The following PHYHD1 variants were observed in gnomAD, a reference collection of about 807,000 sequenced individuals.
PHYHD1 encodes phytanoyl-CoA dioxygenase domain-containing protein 1.
Under a neutral mutation model 43.6 loss-of-function variants are expected in PHYHD1, and 42 were observed. That is an observed-to-expected ratio of 0.96 (90% CI 0.75 to 1.25). The LOEUF is 1.25. PHYHD1 is among the 50% of genes most tolerant of loss of function. PHYHD1 has a pLI of 0.00. For missense variants in PHYHD1, 342 were observed against 370.8 expected, an observed-to-expected ratio of 0.92 and a Z score of 0.64; for synonymous variants, 139 against 143.6, an observed-to-expected ratio of 0.97 and a Z score of 0.23.
At chr9:128,936,362 G>A in intron 6 of PHYHD1, 86 bp from the exon 7 acceptor site, 3 of 1,522,484 alleles carry the variant, frequency 2.0e-6, no homozygotes, top group Non-Finnish European at 2.7e-6. Flanking sequence ...GAATGTCAAA[G>A]TAAGCCTGAG....
rs550251853 is a variant in PHYHD1 at position 128,936,502 on chromosome 9, A to G, written c.371A>G (p.Gln124Arg). The G allele has an allele frequency of 1.0e-4, 161 of 1,613,704 alleles. No homozygotes were observed. The South Asian group carries it at 1.6e-3, about 17-fold the overall frequency. ...AGCATCACACACTCCTTCAAGGTGC[A>G]GGTGAGCAGAGGTGGGGGTGAGGGC... ...FKSITHSFKV[Q>R]TLARSLGLQM... The change falls in exon 7 of 13, where the codon CAG becomes CGG. Residue 124 changes from glutamine (Q) to arginine (R), a missense_variant and splice_region_variant. Gln to Arg is a conservative substitution (Grantham distance 43). Transcript: ENST00000372592.
At chr9:128,936,367 C>T in intron 6 of PHYHD1, 81 bp from the exon 7 acceptor site, 1 of 1,532,826 alleles carries the variant, frequency 6.5e-7, no homozygotes, top group Non-Finnish European at 8.9e-7. Flanking sequence ...TCAAAGTAAG[C>T]CTGAGTGTGG....
At chr9:128,928,618 G>A (rs1467954739) in intron 4 of PHYHD1, among the ~76,000 whole-genome samples, 5 of 151,910 alleles carry the variant, frequency 3.3e-5, no homozygotes, top group African/African-American at 1.2e-4. Context: ...CAGGAGAATC[G>A]CTTGAACCCA....
chr9:128,931,532 CTTTTTT>C (rs901591797), intron 4 of PHYHD1, among the ~76,000 whole-genome samples: 13 of 148,034 alleles, frequency 8.8e-5, no homozygotes, highest in African/African-American at 3.2e-4. Context: ...TTTTCTTTTT[CTTTTTT>C]TTTTGAGACG....
intron 3 of PHYHD1, among the ~76,000 whole-genome samples, chr9:128,923,062 A>G (rs1026490623): frequency 6.7e-6 from 1 of 148,514 alleles, no homozygotes; most frequent in African/African-American, 2.5e-5. Context: ...CTCCTACCTT[A>G]GCCTCCCGAA....
intron 11 of PHYHD1, 31 bp downstream of exon 11, chr9:128,940,746 G>T: frequency 6.2e-7 from 1 of 1,605,444 alleles, no homozygotes; most frequent in South Asian, 1.1e-5. Context: ...GAGAGGCAGG[G>T]GGCTGAGTCC....
At position 128,941,965 on chromosome 9, in the gene PHYHD1, A is replaced by T. The variant is rs774165459; in HGVS notation, c.*252A>T. ...CACCAAAGGGTTCTGGCCCCTTCTC[A>T]CTCTCCTCTCCTCTCAGATGGAACT... On this transcript the variant is annotated 3_prime_UTR_variant, in exon 13 of 13. Transcript: ENST00000372592. The T allele has an allele frequency of 2.0e-5, 11 of 559,712 alleles. No individual in the cohort carries two copies. Among genetic ancestry groups the T allele is most frequent in the Non-Finnish European group, 3.2e-5 (10 of 314,412 alleles). The allele number at this position is 559,712 out of a possible 1,614,324, so 34.7% of individuals were successfully genotyped here. A position where few individuals can be genotyped will look rare whatever the true frequency, so the allele number is the denominator to read the frequency against.
At chr9:128,930,848 C>T (rs1405254309) in intron 4 of PHYHD1, among the ~76,000 whole-genome samples, 1 of 149,858 alleles carries the variant, frequency 6.7e-6, no homozygotes, top group Admixed American at 6.7e-5. Flanking sequence ...ACTCGGGAGG[C>T]TGAGGCAGAA....
rs1841571952 is a variant in PHYHD1 at position 128,941,829 on chromosome 9, C to A, written c.*116C>A. On this transcript the variant is annotated 3_prime_UTR_variant, in exon 13 of 13. Transcript: ENST00000372592. Reference sequence around the variant, plus strand: ...GGGAGGTCTTGTCTCCCCTCCTGGGCTTTCCTCCTGCCCTGTGGGCAGCAG... The same window carrying A: ...GGGAGGTCTTGTCTCCCCTCCTGGGATTTCCTCCTGCCCTGTGGGCAGCAG... The A allele has an allele frequency of 7.0e-7, 1 of 1,430,050 alleles. No homozygotes were observed. The highest frequency in any genetic ancestry group is 9.7e-7 in the Non-Finnish European group (1 of 1,029,262). 88.6% of individuals were successfully genotyped at this position (1,430,050 alleles called of 1,614,324 possible). A position where few individuals can be genotyped will look rare whatever the true frequency, so the allele number is the denominator to read the frequency against.
intron 4 of PHYHD1, among the ~76,000 whole-genome samples, chr9:128,928,999 T>G (rs1841206388): frequency 6.6e-6 from 1 of 152,156 alleles, no homozygotes; most frequent in South Asian, 2.1e-4. Flanking sequence ...TACCATGAAC[T>G]GGGTCCTGGG....
intron 4 of PHYHD1, among the ~76,000 whole-genome samples, chr9:128,931,413 G>A (rs1354201016): frequency 6.6e-6 from 1 of 152,012 alleles, no homozygotes; most frequent in East Asian, 1.9e-4. Context: ...ACCCATCCTA[G>A]AGCCAGGATT....
At chr9:128,940,559 G>A in intron 10 of PHYHD1, 40 bp from the exon 11 acceptor site, 1 of 1,613,908 alleles carries the variant, frequency 6.2e-7, no homozygotes, top group Non-Finnish European at 8.5e-7. Context: ...GAGGGACCTT[G>A]AGAAAGGAGG....
rs1461542140 is a variant in PHYHD1 at position 128,941,692 on chromosome 9, C to T, written c.855C>T (p.Pro285=). The T allele has an allele frequency of 1.2e-6, 2 of 1,614,210 alleles. No homozygotes were observed. The highest frequency in any genetic ancestry group is 2.7e-5 in the African/African-American group (2 of 75,060). Residue 285 remains proline, a synonymous_variant, in exon 13 of 13, where the codon CCC becomes CCT. Transcript: ENST00000372592. ...ENWLQPTAEL[P]FPQLYT ...GGCTCCAGCCAACAGCTGAACTGCC[C>T]TTTCCCCAACTGTACACCTAAAGGC...
chr9:128,940,311 A>G, intron 9 of PHYHD1, 58 bp from the exon 10 acceptor site: 1 of 1,604,748 alleles, frequency 6.2e-7, no homozygotes, highest in Admixed American at 1.7e-5. Flanking sequence ...TAATGAGGCC[A>G]AGGTGAGGTG....
At chr9:128,939,590 A>T (rs148419003) in intron 9 of PHYHD1, among the ~76,000 whole-genome samples, 3,892 of 120,182 alleles carry the variant, frequency 0.032, 423 homozygotes, top group African/African-American at 0.069. Flanking sequence ...AAAAAAAAAA[A>T]AATAATAATA....
At position 128,921,328 on chromosome 9, in the gene PHYHD1, T is replaced by A. The variant is rs1437466645; in HGVS notation, c.-500T>A. On this transcript the variant is annotated 5_prime_UTR_variant, in exon 1 of 13. Coordinates refer to ENST00000372592, the MANE Select transcript of PHYHD1 (RefSeq NM_001100876.2). ...TATTTATTTATTTTGAGACCGAGTC[T>A]CGCTCTGTCGCCCAGGCTCTAGTGC... 6.6e-6 allele frequency: 1 copy of A among 152,168 alleles called. No individual in the cohort carries two copies. Among genetic ancestry groups the A allele is most frequent in the African/African-American group, 2.4e-5 (1 of 41,440 alleles). The allele number at this position is 152,168 out of a possible 1,614,324, so 9.4% of individuals were successfully genotyped here.
intron 3 of PHYHD1, among the ~76,000 whole-genome samples, chr9:128,925,208 G>T (rs1841104519): frequency 6.6e-6 from 1 of 151,688 alleles, no homozygotes; most frequent in South Asian, 2.1e-4. Flanking sequence ...TGCAGTAAGT[G>T]ACTTTCTTTT....
chr9:128,922,772 C>T (rs539644312), intron 3 of PHYHD1, among the ~76,000 whole-genome samples: 24 of 152,304 alleles, frequency 1.6e-4, no homozygotes, highest in African/African-American at 4.8e-4. Flanking sequence ...AAAAATCACT[C>T]ATACATTCCT....
chr9:128,925,666 C>T (rs957971938), intron 3 of PHYHD1, among the ~76,000 whole-genome samples: 1 of 152,144 alleles, frequency 6.6e-6, no homozygotes, highest in East Asian at 1.9e-4. Flanking sequence ...AAGCCATCTA[C>T]TTCCCCTCCC....
Sources: gnomAD v4.1 joint callset for allele counts (sites outside exome capture counted in the v4.1 genomes callset) on GRCh38, gnomAD v4.1.1 for gene constraint, MANE v1.5 for transcripts, NCBI Gene and HGNC (gene_info 2026-07-23, HGNC 2026-07-21) for gene names.